Variants in STK4 observed in about 807,000 individuals in gnomAD.
STK4 encodes serine/threonine-protein kinase 4.
In STK4, 30 loss-of-function variants were observed where a neutral mutation model predicts 64.9. The observed-to-expected ratio is 0.46, with a 90% CI of 0.35 to 0.63. The LOEUF is 0.63. STK4 is among the 20% of genes least tolerant of loss of function. STK4 has a pLI of 0.01. For synonymous variants in STK4, 177 were observed against 199.0 expected (o/e 0.89, Z 0.93); for missense variants, 466 against 598.5 (o/e 0.78, Z 2.31).
intron 5 of STK4, among the ~76,000 whole-genome samples, chr20:44,991,517 C>T (rs1411703710): frequency 2.0e-5 from 3 of 152,160 alleles, no homozygotes; most frequent in Non-Finnish European, 4.4e-5. Flanking sequence ...CTCATATTTG[C>T]TAATGCTGAA....
At chr20:45,032,403 T>C (rs767562150) in intron 10 of STK4, among the ~76,000 whole-genome samples, 2 of 152,144 alleles carry the variant, frequency 1.3e-5, no homozygotes, top group African/African-American at 4.8e-5. Flanking sequence ...TAGGTAGTTT[T>C]TCGATCCTCA....
At chr20:45,030,858 A>G (rs571256464) in intron 10 of STK4, among the ~76,000 whole-genome samples, 22 of 152,234 alleles carry the variant, frequency 1.4e-4, no homozygotes, top group African/African-American at 2.9e-4. Context: ...CTTAAATCCA[A>G]TTTGGCTCAT....
At chr20:45,045,026 A>C (rs1457026408) in intron 10 of STK4, among the ~76,000 whole-genome samples, 1 of 152,178 alleles carries the variant, frequency 6.6e-6, no homozygotes, top group Non-Finnish European at 1.5e-5. Flanking sequence ...TTGTGTATTA[A>C]GTATTATCAC....
chr20:44,999,430 T>C (rs945004605), intron 7 of STK4, among the ~76,000 whole-genome samples: 4 of 152,320 alleles, frequency 2.6e-5, no homozygotes, highest in Non-Finnish European at 5.9e-5. Flanking sequence ...CTTGTATCCT[T>C]TGACGGGTGA....
chr20:45,026,128 G>GGTTTTTTT (rs1490924969), intron 10 of STK4, among the ~76,000 whole-genome samples: 5 of 128,964 alleles, frequency 3.9e-5, no homozygotes, highest in African/African-American at 1.5e-4. Context: ...TTATCCAGTG[G>GGTTTTTTT]TTTTTTTTTT....
chr20:45,023,873 T>C (rs2068293620), intron 9 of STK4, among the ~76,000 whole-genome samples: 1 of 151,736 alleles, frequency 6.6e-6, no homozygotes, highest in Non-Finnish European at 1.5e-5. Flanking sequence ...CTATTTATTT[T>C]ATACCTGTTC....
intron 10 of STK4, among the ~76,000 whole-genome samples, chr20:45,063,997 A>G (rs1979336378): frequency 6.6e-6 from 1 of 151,778 alleles, no homozygotes; most frequent in South Asian, 2.1e-4. Flanking sequence ...TTTAGGAGAG[A>G]CGGGGTTTCA....
chr20:45,059,919 G>A (rs1449954664), intron 10 of STK4, among the ~76,000 whole-genome samples: 1 of 152,116 alleles, frequency 6.6e-6, no homozygotes, highest in Non-Finnish European at 1.5e-5. Context: ...TTAGGCTTAT[G>A]TATTGATTAC....
At chr20:45,034,208 A>G (rs1399288336) in intron 10 of STK4, among the ~76,000 whole-genome samples, 1 of 151,994 alleles carries the variant, frequency 6.6e-6, no homozygotes. Flanking sequence ...TAAAAATAGG[A>G]TAAAGATAAA....
At position 45,001,360 on chromosome 20, in the gene STK4, C is replaced by T. The variant is rs1601240201; in HGVS notation, c.1147+7C>T. ...GAGGAAGGAACTATGAAAAGTAAGG[C>T]TCTGAGTAAATTCACTGACTTCTTA... is the stretch of plus-strand genomic sequence containing the variant. On this transcript the variant is annotated splice_region_variant and intron_variant, in intron 9 of 10. Transcript: ENST00000372806. The T allele has an allele frequency of 6.2e-7, 1 of 1,601,632 alleles. No homozygotes were observed. Among genetic ancestry groups the T allele is most frequent in the East Asian group, 2.2e-5 (1 of 44,530 alleles).
rs1244638619 is a variant in STK4 at position 45,016,334 on chromosome 20, A to G, written c.1148-8639A>G. 2.6e-5 allele frequency among the ~76,000 whole-genome samples: 4 copies of G among 152,126 alleles called. No homozygotes were observed. In the East Asian group the frequency reaches 5.8e-4, roughly 22 times the overall value. On this transcript the variant is annotated intron_variant, in intron 9 of 10. Coordinates refer to ENST00000372806, the MANE Select transcript of STK4 (RefSeq NM_006282.5). Reference sequence around the variant, plus strand: ...TACAGTGGAATTTATTACCGACTGGATTTTTTTTCCACCCCCGAAAGATAA... The same window carrying G: ...TACAGTGGAATTTATTACCGACTGGGTTTTTTTTCCACCCCCGAAAGATAA...
chr20:45,052,138 C>T (rs890491469), intron 10 of STK4, among the ~76,000 whole-genome samples: 1 of 152,106 alleles, frequency 6.6e-6, no homozygotes, highest in Non-Finnish European at 1.5e-5. Flanking sequence ...TTATTTTCTT[C>T]TTTTTTGGTG....
chr20:45,071,935 T>G (rs547052682), intron 10 of STK4, among the ~76,000 whole-genome samples: 3 of 152,102 alleles, frequency 2.0e-5, no homozygotes, highest in Admixed American at 6.5e-5. Context: ...CTGGCTAATT[T>G]TTTTTCCCCC....
chr20:44,985,103 A>G (rs1030944456), intron 4 of STK4, among the ~76,000 whole-genome samples: 13 of 152,326 alleles, frequency 8.5e-5, no homozygotes, highest in Admixed American at 7.8e-4. Context: ...CCACTATAGA[A>G]GGTACCCCAG....
At chr20:45,067,436 G>T (rs1979674237) in intron 10 of STK4, among the ~76,000 whole-genome samples, 1 of 152,174 alleles carries the variant, frequency 6.6e-6, no homozygotes, top group Non-Finnish European at 1.5e-5. Flanking sequence ...CTCTTTGATG[G>T]TTTTTAGGGA....
intron 10 of STK4, among the ~76,000 whole-genome samples, chr20:45,041,328 CAG>C (rs2068609933): frequency 7.4e-6 from 1 of 135,196 alleles, no homozygotes; most frequent in African/African-American, 3.9e-5. Flanking sequence ...CATGCACGCA[CAG>C]ACAAATACAT....
chr20:45,068,115 G>T (rs1346761115), intron 10 of STK4, among the ~76,000 whole-genome samples: 1 of 152,186 alleles, frequency 6.6e-6, no homozygotes, highest in Non-Finnish European at 1.5e-5. Flanking sequence ...AACCGCTGTT[G>T]TAGAACGAAT....
chr20:45,068,029 C>T (rs944863739), intron 10 of STK4, among the ~76,000 whole-genome samples: 9 of 152,196 alleles, frequency 5.9e-5, no homozygotes, highest in African/African-American at 2.2e-4. Context: ...AAGGTGGTAG[C>T]CTTCACTTAC....
At chr20:45,002,232 G>A (rs2067854464) in intron 9 of STK4, among the ~76,000 whole-genome samples, 1 of 152,158 alleles carries the variant, frequency 6.6e-6, no homozygotes, top group African/African-American at 2.4e-5. Context: ...ATACAACTAG[G>A]CCAACCTGTT....
Sources: allele counts gnomAD v4.1 joint callset (sites outside exome capture counted in the v4.1 genomes callset), GRCh38; gene constraint gnomAD v4.1.1; transcripts MANE v1.5; gene names NCBI Gene and HGNC (gene_info 2026-07-23, HGNC 2026-07-21).